The following DLC1 variants were observed in gnomAD, a reference collection of about 807,000 sequenced individuals.
DLC1 encodes rho GTPase-activating protein 7.
DLC1 carries 54 observed loss-of-function variants against 140.3 expected under a neutral mutation model. The ratio of observed to expected loss-of-function variants is 0.38; its 90% CI spans 0.31 to 0.48. The LOEUF is 0.48. DLC1 is among the 20% of genes least tolerant of loss of function. The pLI, the probability that DLC1 is intolerant of heterozygous loss-of-function variation, is 0.96. For missense variants in DLC1, 2,536 were observed against 1,907.0 expected (o/e 1.33, Z -6.14); for synonymous variants, 986 against 728.1 (o/e 1.35, Z -5.70).
intron 1 of DLC1, among the ~76,000 whole-genome samples, chr8:13,504,210 T>C (rs1465370322): frequency 2.7e-5 from 4 of 147,082 alleles, no homozygotes; most frequent in Non-Finnish European, 5.9e-5. Flanking sequence ...CACTGCAACC[T>C]CTGCCTCCTG....
At position 13,206,944 on chromosome 8, in the gene DLC1, ACATTTTT is replaced by A. The variant is rs566090783; in HGVS notation, c.1349-91294_1349-91288del. On this transcript the variant is annotated intron_variant, in intron 5 of 17. Coordinates refer to ENST00000276297, the MANE Select transcript of DLC1 (RefSeq NM_182643.3). ...CTGTCACTATTATGCTACTGAGAATACATTTTTTTAAACATTACATAATTTGTTTCTC... is the reference window on the plus strand; with the variant it reads ...CTGTCACTATTATGCTACTGAGAATATTAAACATTACATAATTTGTTTCTC... Among the ~76,000 whole-genome samples the A allele has an allele frequency of 3.1e-3, 469 of 152,322 alleles. 2 individuals are homozygous for A. Among genetic ancestry groups the A allele is most frequent in the African/African-American group, 0.011 (439 of 41,590 alleles).
intron 1 of DLC1, among the ~76,000 whole-genome samples, chr8:13,554,999 G>A (rs1016659694): frequency 2.0e-5 from 3 of 152,170 alleles, no homozygotes; most frequent in East Asian, 1.9e-4. Flanking sequence ...CTTTAAACAT[G>A]TTAAGCACGT....
intron 2 of DLC1, among the ~76,000 whole-genome samples, chr8:13,448,175 A>C (rs1352387691): frequency 6.6e-6 from 1 of 152,110 alleles, no homozygotes; most frequent in Non-Finnish European, 1.5e-5. Flanking sequence ...CAGGTGACTC[A>C]CTGCCATTTG....
intron 3 of DLC1, among the ~76,000 whole-genome samples, chr8:13,400,189 T>G (rs1357374812): frequency 6.6e-6 from 1 of 152,196 alleles, no homozygotes; most frequent in Non-Finnish European, 1.5e-5. Context: ...ATATGTCTTA[T>G]TCATCTCTAG....
intron 12 of DLC1, among the ~76,000 whole-genome samples, chr8:13,093,839 G>A (rs992018657): frequency 1.1e-4 from 17 of 152,168 alleles, no homozygotes; most frequent in Non-Finnish European, 2.2e-4. Flanking sequence ...TTACGTTGCT[G>A]TAATACCACA....
chr8:13,355,928 A>C (rs1412478058), intron 4 of DLC1, among the ~76,000 whole-genome samples: 1 of 151,456 alleles, frequency 6.6e-6, no homozygotes, highest in African/African-American at 2.4e-5. Context: ...ACTAAAAAAA[A>C]AATTCAAAAA....
intron 4 of DLC1, among the ~76,000 whole-genome samples, chr8:13,310,272 G>C (rs1332063164): frequency 1.3e-5 from 2 of 152,162 alleles, no homozygotes; most frequent in East Asian, 3.9e-4. Flanking sequence ...AGAAGTGTTT[G>C]GAGTACTGTT....
In DLC1 at chr8:13,127,209, A is replaced by G. The variant is rs569989747; in HGVS notation, c.1349-11552T>C. On this transcript the variant is annotated intron_variant, in intron 5 of 17. Transcript: ENST00000276297. ...CCTAAATGAACACTAATGAATGAAC[A>G]GAAATTAATCTAATGGTCAAATTGT... 1.2e-3 allele frequency among the ~76,000 whole-genome samples: 180 copies of G among 152,366 alleles called. 3 individuals are homozygous for G. The highest frequency in any genetic ancestry group is 6.8e-3 in the Middle Eastern group (2 of 294).
intron 1 of DLC1, among the ~76,000 whole-genome samples, chr8:13,571,157 G>A (rs527996615): frequency 1.3e-5 from 2 of 152,148 alleles, no homozygotes; most frequent in Non-Finnish European, 2.9e-5. Flanking sequence ...ACCAAAGATA[G>A]TTTATTATGT....
At chr8:13,188,419 CAAAAAAAAAAAAA>C (rs1178090798) in intron 5 of DLC1, among the ~76,000 whole-genome samples, 5 of 58,984 alleles carry the variant, frequency 8.5e-5, no homozygotes, top group Non-Finnish European at 8.8e-5. Flanking sequence ...GACTCCGTCT[CAAAAAAAAAAAAA>C]AAAAAAAAAG....
At chr8:13,245,479 G>A (rs1049009654) in intron 5 of DLC1, among the ~76,000 whole-genome samples, 17 of 152,150 alleles carry the variant, frequency 1.1e-4, no homozygotes, top group African/African-American at 4.1e-4. Context: ...CACAGCCGCA[G>A]CAGAAATCTG....
chr8:13,215,681 T>G (rs1828163327), intron 5 of DLC1, among the ~76,000 whole-genome samples: 1 of 152,204 alleles, frequency 6.6e-6, no homozygotes, highest in African/African-American at 2.4e-5. Flanking sequence ...ATACTACTAT[T>G]GTAGAACTAT....
chr8:13,369,771 C>G (rs2117111438), intron 4 of DLC1, among the ~76,000 whole-genome samples: 1 of 152,158 alleles, frequency 6.6e-6, no homozygotes, highest in Non-Finnish European at 1.5e-5. Flanking sequence ...CTGGATCCCC[C>G]TTCTTGTGCC....
At chr8:13,529,379 TTA>T (rs1357705750) in intron 1 of DLC1, among the ~76,000 whole-genome samples, 1 of 152,204 alleles carries the variant, frequency 6.6e-6, no homozygotes, top group Non-Finnish European at 1.5e-5. Context: ...ATTTTCCATT[TTA>T]AGTACAAGTC....
At chr8:13,232,520 GA>G (rs1292712221) in intron 5 of DLC1, among the ~76,000 whole-genome samples, 1 of 152,092 alleles carries the variant, frequency 6.6e-6, no homozygotes, top group Non-Finnish European at 1.5e-5. Flanking sequence ...TTTTAATAGA[GA>G]CGGGGTTTCA....
At chr8:13,416,212 G>A (rs975902202) in intron 2 of DLC1, among the ~76,000 whole-genome samples, 4 of 152,094 alleles carry the variant, frequency 2.6e-5, no homozygotes, top group Non-Finnish European at 5.9e-5. Flanking sequence ...TAAGTTTCAT[G>A]TGTATAAAAT....
chr8:13,272,161 G>C (rs1289926590), intron 5 of DLC1, among the ~76,000 whole-genome samples: 1 of 152,200 alleles, frequency 6.6e-6, no homozygotes, highest in African/African-American at 2.4e-5. Flanking sequence ...ATAAAGACTA[G>C]TATTGGCCAG....
At chr8:13,106,706 C>T (rs191952867) in intron 7 of DLC1, among the ~76,000 whole-genome samples, 2 of 152,350 alleles carry the variant, frequency 1.3e-5, no homozygotes, top group Admixed American at 6.5e-5. Context: ...GGCTGCTTTG[C>T]ATGGCTCAGG....
At chr8:13,426,857 C>G (rs564190597) in intron 2 of DLC1, among the ~76,000 whole-genome samples, 1 of 152,126 alleles carries the variant, frequency 6.6e-6, no homozygotes, top group East Asian at 1.9e-4. Flanking sequence ...GTTTTTGCTG[C>G]AATCATTAGA....
Sources: allele counts gnomAD v4.1 joint callset (sites outside exome capture counted in the v4.1 genomes callset), GRCh38; gene constraint gnomAD v4.1.1; transcripts MANE v1.5; gene names NCBI Gene and HGNC (gene_info 2026-07-23, HGNC 2026-07-21).